MAN2A1: variants seen among roughly 807,000 people sequenced by gnomAD.
MAN2A1 encodes mannosidase alpha class 2A member 1.
In MAN2A1, 76 loss-of-function variants were observed where a neutral mutation model predicts 142.6. The ratio of observed to expected loss-of-function variants is 0.53; its 90% CI spans 0.44 to 0.65. MAN2A1 has a LOEUF of 0.65. Ranked by LOEUF, MAN2A1 falls within the 30% of genes least tolerant of loss-of-function variation. The pLI is 0.00. For missense variants in MAN2A1, 1,311 were observed against 1,365.1 expected (o/e 0.96, Z 0.62); for synonymous variants, 559 against 473.2 (o/e 1.18, Z -2.35).
rs146360227 is a variant in MAN2A1, at chr5:109,855,325, A to G, written c.3162A>G (p.Ile1054Met). ...CDIHLVNLRT[I>M]QSKVGNGHSN... ...TTCATCTGGTTAATTTGAGAACAAT[A>G]CAGTCAAAGGTATGTCTCAAAATAT... Residue 1054 changes from isoleucine to methionine, a missense_variant, in exon 20 of 22, where the codon ATA becomes ATG. By Grantham distance (10) the Ile-to-Met change is conservative. This residue lies in a region of MAN2A1 where 890 missense variants were observed against 920.5 expected (regional missense o/e 0.97). Coordinates refer to ENST00000261483, the MANE Select transcript of MAN2A1 (RefSeq NM_002372.4). 221 of 1,579,684 alleles carry G rather than the reference A, an allele frequency of 1.4e-4. 1 individual carries two copies. The highest frequency in any genetic ancestry group is 1.8e-4 in the Non-Finnish European group (212 of 1,166,230).
At chr5:109,799,373 C>A (rs1191741585) in intron 12 of MAN2A1, among the ~76,000 whole-genome samples, 1 of 152,152 alleles carries the variant, frequency 6.6e-6, no homozygotes, top group Admixed American at 6.5e-5. Flanking sequence ...CTATTCAGAA[C>A]ACAAAAATTC....
rs919212551 is a variant in MAN2A1, at chr5:109,745,422, G to A, written c.708-9907G>A. On this transcript the variant is annotated intron_variant, in intron 4 of 21. Transcript: ENST00000261483. ...AACTCTGGCTCCCATAACCCTTTGT[G>A]CATATATATCAAGGTAGTGAGTTTT... 2.0e-5 allele frequency among the ~76,000 whole-genome samples: 3 copies of A among 152,010 alleles called. No individual in the cohort carries two copies. The East Asian group carries it at 5.8e-4, about 29-fold the overall frequency.
chr5:109,719,508 A>G (rs1386928372), intron 3 of MAN2A1, among the ~76,000 whole-genome samples: 1 of 152,194 alleles, frequency 6.6e-6, no homozygotes, highest in East Asian at 1.9e-4. Flanking sequence ...ATGTGACACT[A>G]TAATGGGAAA....
intron 4 of MAN2A1, among the ~76,000 whole-genome samples, chr5:109,737,079 T>G (rs1009047374): frequency 2.0e-5 from 3 of 148,732 alleles, no homozygotes; most frequent in Non-Finnish European, 4.4e-5. Context: ...CCATAGAATA[T>G]GGACTGTATA....
rs772930103 is a variant in MAN2A1 at position 109,713,705 on chromosome 5, A to G, written c.321A>G (p.Leu107=). ...GAGSHLLPSQ[L]SLSVDTADCL... ...GCTCACATCTTCTGCCCTCACAATT[A>G]TCCCTCTCAGTTGACACTGCAGACT... is the stretch of plus-strand genomic sequence containing the variant. Residue 107 remains leucine, a synonymous_variant, in exon 2 of 22, where the codon TTA becomes TTG. Transcript: ENST00000261483. The G allele has an allele frequency of 3.1e-6, 5 of 1,614,102 alleles. No individual in the cohort carries two copies. The highest frequency in any genetic ancestry group is 3.3e-5 in the Admixed American group (2 of 60,014).
At chr5:109,822,819 A>G (rs987948550) in intron 15 of MAN2A1, among the ~76,000 whole-genome samples, 1 of 152,052 alleles carries the variant, frequency 6.6e-6, no homozygotes, top group Non-Finnish European at 1.5e-5. Flanking sequence ...CTGGGACTAC[A>G]GGCACCCGCC....
intron 18 of MAN2A1, 32 bp from the exon 19 acceptor site, chr5:109,847,625 C>T (rs1041496953): frequency 3.4e-6 from 5 of 1,456,922 alleles, no homozygotes; most frequent in Non-Finnish European, 4.5e-6. Context: ...TTATTCTGGT[C>T]AGTTTTGCTT....
At chr5:109,783,044 T>C (rs1262639225) in intron 9 of MAN2A1, among the ~76,000 whole-genome samples, 2 of 152,174 alleles carry the variant, frequency 1.3e-5, no homozygotes, top group Admixed American at 6.6e-5. Flanking sequence ...TTATCTCTTA[T>C]ACTATTCTAA....
chr5:109,739,114 T>G (rs1182424777), intron 4 of MAN2A1, among the ~76,000 whole-genome samples: 1 of 152,180 alleles, frequency 6.6e-6, no homozygotes, highest in African/African-American at 2.4e-5. Context: ...AGTGCTGGGA[T>G]TACAGGCATC....
At chr5:109,837,278 T>G (rs893620262) in intron 16 of MAN2A1, among the ~76,000 whole-genome samples, 13 of 151,778 alleles carry the variant, frequency 8.6e-5, no homozygotes, top group African/African-American at 2.4e-4. Flanking sequence ...AAGAGAGTTT[T>G]GGGTTGTTTT....
chr5:109,748,427 A>G (rs1359109599), intron 4 of MAN2A1, among the ~76,000 whole-genome samples: 1 of 146,222 alleles, frequency 6.8e-6, no homozygotes, highest in Admixed American at 6.8e-5. Flanking sequence ...CATTATCAGT[A>G]CCCATTTCTT....
chr5:109,756,965 T>G (rs755879049), intron 5 of MAN2A1, among the ~76,000 whole-genome samples: 1 of 152,152 alleles, frequency 6.6e-6, no homozygotes, highest in Non-Finnish European at 1.5e-5. Flanking sequence ...AGTTTCCTGG[T>G]CAACAGCACT....
At chr5:109,746,612 T>A (rs1297939472) in intron 4 of MAN2A1, among the ~76,000 whole-genome samples, 1 of 150,570 alleles carries the variant, frequency 6.6e-6, no homozygotes, top group Non-Finnish European at 1.5e-5. Flanking sequence ...TTTTTTAAAT[T>A]GTAAATAAGC....
intron 1 of MAN2A1, among the ~76,000 whole-genome samples, chr5:109,704,980 G>T (rs1414468722): frequency 1.3e-5 from 2 of 152,068 alleles, no homozygotes; most frequent in Non-Finnish European, 2.9e-5. Context: ...AGACTTGCAT[G>T]TTCACTGACA....
At chr5:109,791,537 A>G (rs112979478) in intron 12 of MAN2A1, among the ~76,000 whole-genome samples, 4 of 152,010 alleles carry the variant, frequency 2.6e-5, no homozygotes, top group African/African-American at 9.6e-5. Flanking sequence ...AGTCTTCTTT[A>G]ATGTTGTAAG....
intron 16 of MAN2A1, among the ~76,000 whole-genome samples, chr5:109,834,054 G>A (rs1287553120): frequency 6.6e-6 from 1 of 152,060 alleles, no homozygotes; most frequent in Non-Finnish European, 1.5e-5. Context: ...ATAGAGTGGT[G>A]GAAAAGAAAC....
intron 4 of MAN2A1, among the ~76,000 whole-genome samples, chr5:109,745,585 A>G (rs1330569868): frequency 1.3e-5 from 2 of 152,116 alleles, no homozygotes; most frequent in African/African-American, 4.8e-5. Context: ...AAATTATTGA[A>G]CCATATGAGA....
chr5:109,731,879 T>A (rs1270526786), intron 4 of MAN2A1, among the ~76,000 whole-genome samples: 3 of 149,566 alleles, frequency 2.0e-5, no homozygotes, highest in Non-Finnish European at 4.5e-5. Flanking sequence ...ATATACCCAG[T>A]AATGGGATGG....
At chr5:109,737,998 G>A (rs544877378) in intron 4 of MAN2A1, among the ~76,000 whole-genome samples, 1 of 152,282 alleles carries the variant, frequency 6.6e-6, no homozygotes, top group African/African-American at 2.4e-5. Flanking sequence ...TGAGGTGTGT[G>A]CGTGTGCTTT....
Sources: gnomAD v4.1 joint callset for allele counts (sites outside exome capture counted in the v4.1 genomes callset) on GRCh38, gnomAD v4.1.1 for gene constraint, gnomAD v4.1.1 regional missense constraint, MANE v1.5 for transcripts, NCBI Gene and HGNC (gene_info 2026-07-23, HGNC 2026-07-21) for gene names.